The following CNTNAP2 variants were observed in gnomAD, a reference collection of about 807,000 sequenced individuals.
The protein encoded by CNTNAP2 is contactin-associated protein-like 2.
CNTNAP2 carries 98 observed loss-of-function variants against 155.2 expected under a neutral mutation model. The observed-to-expected ratio is 0.63, with a 90% CI of 0.54 to 0.75. The LOEUF is 0.75. CNTNAP2 is among the 30% of genes least tolerant of loss of function. The pLI, the probability that CNTNAP2 is intolerant of heterozygous loss-of-function variation, is 0.00. For missense variants in CNTNAP2, 1,727 were observed against 1,688.1 expected, an observed-to-expected ratio of 1.02 and a Z score of -0.40; for synonymous variants, 651 against 631.2, an observed-to-expected ratio of 1.03 and a Z score of -0.47.
At chr7:147,766,656 G>A (rs2116528474) in intron 13 of CNTNAP2, among the ~76,000 whole-genome samples, 1 of 152,180 alleles carries the variant, frequency 6.6e-6, no homozygotes, top group Non-Finnish European at 1.5e-5. Context: ...AGTACTTGAA[G>A]CAATAAATTC....
chr7:148,134,505 T>A (rs1804897126), intron 16 of CNTNAP2, among the ~76,000 whole-genome samples: 1 of 152,204 alleles, frequency 6.6e-6, no homozygotes, highest in East Asian at 1.9e-4. Flanking sequence ...TTGTTCAAAA[T>A]TATTTTATGG....
Position 146,426,185 on chromosome 7 carries a change from C to CAAAAAAAAA in CNTNAP2, c.97+309229_97+309237dup, listed in dbSNP as rs57484419. Reference sequence around the variant, plus strand: ...TGGGCTACAGAGTGAGACTTCGCCTCAAAAAAAAAAAAAAAAAAAAAAAAA... The same window carrying CAAAAAAAAA: ...TGGGCTACAGAGTGAGACTTCGCCTCAAAAAAAAAAAAAAAAAAAAAAAAAAAAAAAAAA... On this transcript the variant is annotated intron_variant, in intron 1 of 23. Transcript: ENST00000361727. Among the ~76,000 whole-genome samples, 358 of 54,584 alleles carry CAAAAAAAAA rather than the reference C, an allele frequency of 6.6e-3. 25 individuals are homozygous for CAAAAAAAAA. The highest frequency in any genetic ancestry group is 0.022 in the African/African-American group (300 of 13,434). 35.8% of individuals were successfully genotyped at this position (54,584 alleles called of 152,430 possible). A position where few individuals can be genotyped will look rare whatever the true frequency, so the allele number is the denominator to read the frequency against.
chr7:147,001,739 T>C (rs556199489), intron 3 of CNTNAP2, among the ~76,000 whole-genome samples: 14 of 151,782 alleles, frequency 9.2e-5, no homozygotes, highest in Non-Finnish European at 1.6e-4. Context: ...GAAGTCCAGG[T>C]TCCCCTGTAA....
chr7:147,999,481 A>G (rs1257738453), intron 15 of CNTNAP2, among the ~76,000 whole-genome samples: 1 of 152,198 alleles, frequency 6.6e-6, no homozygotes, highest in Non-Finnish European at 1.5e-5. Context: ...ACTATTTTTA[A>G]TAAATCTGTA....
At chr7:148,306,398 T>C (rs1187250813) in intron 21 of CNTNAP2, among the ~76,000 whole-genome samples, 1 of 152,166 alleles carries the variant, frequency 6.6e-6, no homozygotes, top group African/African-American at 2.4e-5. Flanking sequence ...TCTTCTTTCA[T>C]TTCCTGTTCT....
rs1562981376 is a variant in CNTNAP2 at position 147,527,118 on chromosome 7, G to A, written c.1778-35020G>A. On this transcript the variant is annotated intron_variant, in intron 11 of 23. Coordinates refer to ENST00000361727, the MANE Select transcript of CNTNAP2 (RefSeq NM_014141.6). Reference sequence around the variant, plus strand: ...GCTCACTGCAAGCTCCATCTCCTGGGTTCACACCATTCTTCTGCCTCAGCC... The same window carrying A: ...GCTCACTGCAAGCTCCATCTCCTGGATTCACACCATTCTTCTGCCTCAGCC... Among the ~76,000 whole-genome samples, 3 of 144,466 alleles carry A rather than the reference G, an allele frequency of 2.1e-5. 1 individual carries two copies. In the South Asian group the frequency reaches 6.5e-4, roughly 31 times the overall value. The allele number at this position is 144,466 out of a possible 152,430, so 94.8% of individuals were successfully genotyped here.
intron 12 of CNTNAP2, among the ~76,000 whole-genome samples, chr7:147,597,590 G>T (rs1800848725): frequency 6.6e-6 from 1 of 152,090 alleles, no homozygotes; most frequent in Admixed American, 6.5e-5. Context: ...TGGGCCCATG[G>T]TAAGCAGCTT....
chr7:147,505,550 G>A (rs932345860), intron 11 of CNTNAP2, among the ~76,000 whole-genome samples: 4 of 152,190 alleles, frequency 2.6e-5, no homozygotes, highest in East Asian at 3.9e-4. Flanking sequence ...TCAGCACTTA[G>A]TTGTAAATCT....
rs536207705 is a variant in CNTNAP2, at chr7:148,291,448, A to G, written c.3475+24322A>G. Among the ~76,000 whole-genome samples, 103 of 152,248 alleles carry G rather than the reference A, an allele frequency of 6.8e-4. No homozygotes were observed. The South Asian group carries it at 8.1e-3, about 12-fold the overall frequency. Reference sequence around the variant, plus strand: ...AACTTGGAGTCCAATGTTCCAGGGCAGGAAGCATCCAGCACAAGAGAAAGA... The same window carrying G: ...AACTTGGAGTCCAATGTTCCAGGGCGGGAAGCATCCAGCACAAGAGAAAGA... On this transcript the variant is annotated intron_variant, in intron 21 of 23. Transcript: ENST00000361727.
chr7:146,467,320 G>C (rs1367818846), intron 1 of CNTNAP2, among the ~76,000 whole-genome samples: 1 of 152,056 alleles, frequency 6.6e-6, no homozygotes, highest in South Asian at 2.1e-4. Flanking sequence ...TGGAGTCGTT[G>C]ACATGACTGA....
rs1360233853 is a variant in CNTNAP2, at chr7:147,121,933, T to A, written c.939+770T>A. On this transcript the variant is annotated intron_variant, in intron 6 of 23. Coordinates refer to ENST00000361727, the MANE Select transcript of CNTNAP2 (RefSeq NM_014141.6). ...TGGCGCATGCCTGTAATCTCAGCACTTTGGGAGGCTGACGCGGGCGGATCA... is the reference window on the plus strand; with the variant it reads ...TGGCGCATGCCTGTAATCTCAGCACATTGGGAGGCTGACGCGGGCGGATCA... 5.3e-5 allele frequency: 8 copies of A among 152,106 alleles called. No homozygotes were observed. The East Asian group carries it at 1.5e-3, about 29-fold the overall frequency. 9.4% of individuals were successfully genotyped at this position (152,106 alleles called of 1,614,324 possible). A position where few individuals can be genotyped will look rare whatever the true frequency, so the allele number is the denominator to read the frequency against.
At chr7:146,199,732 G>A (rs1274602658) in intron 1 of CNTNAP2, among the ~76,000 whole-genome samples, 1 of 151,962 alleles carries the variant, frequency 6.6e-6, no homozygotes, top group Admixed American at 6.5e-5. Flanking sequence ...AATTAGAGAG[G>A]GTAGAAGGAA....
chr7:146,699,810 A>G (rs972047480), intron 1 of CNTNAP2, among the ~76,000 whole-genome samples: 1 of 152,082 alleles, frequency 6.6e-6, no homozygotes, highest in African/African-American at 2.4e-5. Flanking sequence ...TCTACTAAAA[A>G]TACAAAAATT....
At chr7:147,559,022 C>CT (rs1364189601) in intron 11 of CNTNAP2, among the ~76,000 whole-genome samples, 1 of 152,182 alleles carries the variant, frequency 6.6e-6, no homozygotes, top group Non-Finnish European at 1.5e-5. Context: ...AGGCGTGAGC[C>CT]ACCATGCCCG....
At chr7:146,823,895 A>T (rs1803347294) in intron 2 of CNTNAP2, among the ~76,000 whole-genome samples, 1 of 152,050 alleles carries the variant, frequency 6.6e-6, no homozygotes, top group African/African-American at 2.4e-5. Flanking sequence ...TTTTACCTTA[A>T]GTTCTGGGAT....
At chr7:148,028,440 A>G (rs907768011) in intron 15 of CNTNAP2, among the ~76,000 whole-genome samples, 1 of 152,156 alleles carries the variant, frequency 6.6e-6, no homozygotes. Flanking sequence ...AATGTCTCAG[A>G]TCAAACTGAT....
intron 3 of CNTNAP2, among the ~76,000 whole-genome samples, chr7:146,974,526 T>G (rs1215281657): frequency 6.6e-6 from 1 of 152,234 alleles, no homozygotes; most frequent in East Asian, 1.9e-4. Flanking sequence ...AGTTAGATTT[T>G]CTGTTATGTA....
At chr7:148,172,174 A>G in intron 17 of CNTNAP2, 68 bp from the exon 18 acceptor site, 1 of 1,502,436 alleles carries the variant, frequency 6.7e-7, no homozygotes, top group Non-Finnish European at 9.2e-7. Flanking sequence ...ACAGTTGTTC[A>G]AAATATGAAG....
intron 21 of CNTNAP2, among the ~76,000 whole-genome samples, chr7:148,281,720 T>C (rs1334560263): frequency 4.6e-5 from 7 of 152,060 alleles, no homozygotes; most frequent in African/African-American, 1.7e-4. Flanking sequence ...TATAGAATCA[T>C]AGGAGGCCCT....
Sources: allele counts gnomAD v4.1 joint callset (sites outside exome capture counted in the v4.1 genomes callset), GRCh38; gene constraint gnomAD v4.1.1; transcripts MANE v1.5; gene names NCBI Gene and HGNC (gene_info 2026-07-23, HGNC 2026-07-21).